Variants in EHBP1 observed in about 807,000 individuals in gnomAD.
EHBP1 encodes the protein EH domain-binding protein 1.
EHBP1 carries 55 observed loss-of-function variants against 144.0 expected under a neutral mutation model. The ratio of observed to expected loss-of-function variants is 0.38; its 90% confidence interval spans 0.31 to 0.48. The LOEUF is 0.48. EHBP1 is among the 20% of genes least tolerant of loss of function. The pLI is 0.98. For missense variants in EHBP1, 1,200 were observed against 1,364.2 expected, an observed-to-expected ratio of 0.88 and a Z score of 1.90; for synonymous variants, 469 against 472.7, an observed-to-expected ratio of 0.99 and a Z score of 0.10.
chr2:62,849,950 A>AGAGAATAGAT (rs2048561963), intron 7 of EHBP1, among the ~76,000 whole-genome samples: 1 of 152,198 alleles, frequency 6.6e-6, no homozygotes, highest in South Asian at 2.1e-4. Flanking sequence ...AGTTAAGCCA[A>AGAGAATAGAT]GAGAATAGAT....
chr2:62,959,406 T>C (rs1279201336), intron 14 of EHBP1, among the ~76,000 whole-genome samples: 2 of 152,218 alleles, frequency 1.3e-5, no homozygotes, highest in Admixed American at 6.5e-5. Flanking sequence ...GTGGGATTGC[T>C]GGATCATATG....
chr2:62,939,565 G>A (rs757955459), intron 10 of EHBP1, among the ~76,000 whole-genome samples: 2 of 152,108 alleles, frequency 1.3e-5, no homozygotes, highest in Non-Finnish European at 2.9e-5. Flanking sequence ...GAACCGCCAC[G>A]CTCGGCCAAA....
At chr2:62,999,931 G>T (rs1332793177) in intron 19 of EHBP1, among the ~76,000 whole-genome samples, 1 of 152,172 alleles carries the variant, frequency 6.6e-6, no homozygotes, top group Non-Finnish European at 1.5e-5. Context: ...AAACACTGTT[G>T]TAAGTGTCTA....
chr2:63,000,629 G>A (rs1008046563), intron 19 of EHBP1, among the ~76,000 whole-genome samples: 4 of 152,090 alleles, frequency 2.6e-5, no homozygotes, highest in Non-Finnish European at 4.4e-5. Flanking sequence ...CCTGGGTAGC[G>A]GAGGTTGTAG....
chr2:62,726,487 G>A (rs1318899163), intron 2 of EHBP1: 1 of 152,310 alleles, frequency 6.6e-6, no homozygotes, highest in Non-Finnish European at 1.5e-5. Flanking sequence ...AGATCTGTTA[G>A]GCATGTGCCA....
chr2:62,990,358 A>G (rs531617219), intron 15 of EHBP1, among the ~76,000 whole-genome samples: 328 of 152,294 alleles, frequency 2.2e-3, no homozygotes, highest in South Asian at 3.9e-3. Flanking sequence ...AATGAAATGT[A>G]TCTCTTCTTT....
chr2:62,689,534 C>T (rs1471908676), intron 1 of EHBP1, among the ~76,000 whole-genome samples: 1 of 152,090 alleles, frequency 6.6e-6, no homozygotes, highest in Non-Finnish European at 1.5e-5. Context: ...ATTCCAGCTA[C>T]CCGGGAGGCT....
chr2:62,767,772 G>A (rs1342522587), intron 4 of EHBP1, among the ~76,000 whole-genome samples: 1 of 150,132 alleles, frequency 6.7e-6, no homozygotes, highest in Non-Finnish European at 1.5e-5. Context: ...GGAGGTGAAG[G>A]TTGCAGTGAA....
chr2:62,687,748 A>G (rs2033766629), intron 1 of EHBP1, among the ~76,000 whole-genome samples: 1 of 152,192 alleles, frequency 6.6e-6, no homozygotes, highest in Non-Finnish European at 1.5e-5. Flanking sequence ...TCCTTTAAAG[A>G]TACTGCTAAA....
intron 21 of EHBP1, chr2:63,044,756 C>G (rs1195939858): frequency 2.3e-5 from 5 of 217,544 alleles, no homozygotes; most frequent in East Asian, 9.7e-5. Context: ...TTCTGGGCCT[C>G]TAGCTCCCCT....
chr2:62,724,370 T>A (rs1319965428), intron 2 of EHBP1, among the ~76,000 whole-genome samples: 1 of 152,248 alleles, frequency 6.6e-6, no homozygotes, highest in Non-Finnish European at 1.5e-5. Flanking sequence ...TGTCAGCTCC[T>A]GCATTGTTTT....
intron 19 of EHBP1, among the ~76,000 whole-genome samples, chr2:63,017,334 A>G (rs143075013): frequency 3.3e-4 from 50 of 152,296 alleles, no homozygotes; most frequent in African/African-American, 1.0e-3. Context: ...CAGCCAATAT[A>G]CTTGGATCCC....
chr2:62,696,508 C>CTTT (rs869081763), intron 1 of EHBP1, among the ~76,000 whole-genome samples: 600 of 76,820 alleles, frequency 7.8e-3, no homozygotes, highest in East Asian at 0.026. Context: ...TTTTTTTCTT[C>CTTT]TTTTTTTTTT....
At chr2:63,043,230 C>T (rs1376208505) in intron 21 of EHBP1, among the ~76,000 whole-genome samples, 1 of 152,150 alleles carries the variant, frequency 6.6e-6, no homozygotes, top group Non-Finnish European at 1.5e-5. Flanking sequence ...GCATTCCTCT[C>T]CTCAGTTGCA....
In EHBP1 at chr2:62,809,464, G is replaced by A. The variant is rs58508995; in HGVS notation, c.313-16623G>A. Among the ~76,000 whole-genome samples the A allele has an allele frequency of 9.8e-3, 1,497 of 152,176 alleles. 22 individuals are homozygous for A. The highest frequency in any genetic ancestry group is 0.035 in the African/African-American group (1,447 of 41,506). Reference sequence around the variant, plus strand: ...ACTCACAAAAGCATGGGGTTGCCGTGTGACCTTATCCCCCTGGAGTTTTTT... The same window carrying A: ...ACTCACAAAAGCATGGGGTTGCCGTATGACCTTATCCCCCTGGAGTTTTTT... On this transcript the variant is annotated intron_variant, in intron 5 of 22. Coordinates refer to ENST00000431489, the MANE Select transcript of EHBP1 (RefSeq NM_001142616.3).
intron 7 of EHBP1, among the ~76,000 whole-genome samples, chr2:62,849,066 C>G (rs1187163206): frequency 2.0e-5 from 3 of 152,094 alleles, no homozygotes; most frequent in Admixed American, 2.0e-4. Context: ...TATTCATGCT[C>G]TTTTATAATC....
rs976408088 is a variant in EHBP1, at chr2:62,880,612, A to G, written c.1185+6080A>G. Among the ~76,000 whole-genome samples, 7 of 152,202 alleles carry G rather than the reference A, an allele frequency of 4.6e-5. No homozygotes were observed. The East Asian group carries it at 7.7e-4, about 17-fold the overall frequency. The stretch of plus-strand genomic sequence containing the variant: ...AAAGAACATGAAAAGACACTTCTCA[A>G]AAGAATACATACATGTGGCCATCGA... On this transcript the variant is annotated intron_variant, in intron 10 of 22. Coordinates refer to ENST00000431489, the MANE Select transcript of EHBP1 (RefSeq NM_001142616.3).
chr2:63,007,236 C>A (rs1310126046), intron 19 of EHBP1, among the ~76,000 whole-genome samples: 2 of 151,742 alleles, frequency 1.3e-5, no homozygotes, highest in African/African-American at 2.4e-5. Context: ...GAGTATAATA[C>A]CCTTCTGATT....
At chr2:62,986,121 A>C (rs1371938989) in intron 15 of EHBP1, among the ~76,000 whole-genome samples, 2 of 152,234 alleles carry the variant, frequency 1.3e-5, no homozygotes, top group Admixed American at 6.5e-5. Context: ...TATTAATAGA[A>C]GCTATCTCTG....
Sources: gnomAD v4.1 joint callset for allele counts (sites outside exome capture counted in the v4.1 genomes callset) on GRCh38, gnomAD v4.1.1 for gene constraint, MANE v1.5 for transcripts, NCBI Gene and HGNC (gene_info 2026-07-23, HGNC 2026-07-21) for gene names.